The following FARP1 variants were observed in gnomAD, a reference collection of about 807,000 sequenced individuals.
FARP1 encodes the protein FERM, ARH/RhoGEF and pleckstrin domain protein 1.
FARP1 carries 52 observed loss-of-function variants against 128.8 expected under a neutral mutation model. The observed-to-expected ratio is 0.40, with a 90% CI of 0.32 to 0.51. The LOEUF (loss-of-function observed/expected upper bound fraction) is 0.51. Ranked by LOEUF, FARP1 falls within the 20% of genes least tolerant of loss-of-function variation. The probability of loss-of-function intolerance (pLI) is 0.45; values close to 1 mark genes in which losing one functional copy is unlikely to be tolerated. For synonymous variants in FARP1, 580 were observed against 551.8 expected (o/e 1.05, Z -0.72); for missense variants, 1,333 against 1,367.9 (o/e 0.97, Z 0.40).
chr13:98,333,320 G>A (rs563529487), intron 2 of FARP1: 1 of 151,952 alleles, frequency 6.6e-6, no homozygotes, highest in Non-Finnish European at 1.5e-5. Flanking sequence ...AATTACTCAA[G>A]ATCAGGAGAT....
intron 1 of FARP1, among the ~76,000 whole-genome samples, chr13:98,165,645 C>G (rs1173532972): frequency 1.5e-5 from 2 of 134,084 alleles, no homozygotes; most frequent in Admixed American, 8.1e-5. Context: ...TAAAACAAAC[C>G]TGGTAAGACC....
intron 6 of FARP1, 67 bp from the exon 7 acceptor site, chr13:98,384,662 TG>T: frequency 2.1e-6 from 2 of 943,678 alleles, no homozygotes; most frequent in Non-Finnish European, 1.7e-6. Context: ...TTTGGCTCAC[TG>T]GGGAATATTG....
intron 2 of FARP1, among the ~76,000 whole-genome samples, chr13:98,238,902 C>G (rs7325965): frequency 1.3e-5 from 2 of 152,058 alleles, no homozygotes. Context: ...GGTCTGTGCG[C>G]CAACCCCCAC....
chr13:98,315,908 G>A (rs925065245), intron 2 of FARP1, among the ~76,000 whole-genome samples: 6 of 152,082 alleles, frequency 3.9e-5, no homozygotes, highest in East Asian at 3.8e-4. Flanking sequence ...ATTTTTCAGC[G>A]TCTTATTGTC....
rs144535978 is a variant in FARP1 at position 98,440,673 on chromosome 13, C to T, written c.2633C>T (p.Ser878Phe). The change falls in exon 24 of 27, where the codon TCC becomes TTC. Residue 878 changes from serine (S) to phenylalanine (F), a missense_variant. Ser to Phe is a radical substitution (Grantham distance 155). Around this residue, in one of 2 missense-constraint regions of FARP1, gnomAD observed 1,009 missense variants for 969.8 expected, o/e 1.04. Coordinates refer to ENST00000319562, the MANE Select transcript of FARP1 (RefSeq NM_005766.4). Reference protein sequence around the residue: ...FLASSPPDNKSPDEATAADQE... With the variant: ...FLASSPPDNKFPDEATAADQE... ...TGCCTTTTGCCCCATCCTGTAGAGTCCCCTGATGAAGCCACCGCGGCTGAC... is the reference window on the plus strand; with the variant it reads ...TGCCTTTTGCCCCATCCTGTAGAGTTCCCTGATGAAGCCACCGCGGCTGAC... The T allele has an allele frequency of 7.4e-6, 12 of 1,612,048 alleles. No individual in the cohort carries two copies. Among genetic ancestry groups the T allele is most frequent in the Non-Finnish European group, 1.0e-5 (12 of 1,179,318 alleles).
intron 1 of FARP1, among the ~76,000 whole-genome samples, chr13:98,170,379 C>T (rs897296097): frequency 6.6e-6 from 1 of 151,884 alleles, no homozygotes; most frequent in African/African-American, 2.4e-5. Context: ...TTTGTTGAGA[C>T]AGAGTCTTGC....
At chr13:98,272,363 C>T (rs1884430967) in intron 2 of FARP1, among the ~76,000 whole-genome samples, 1 of 152,038 alleles carries the variant, frequency 6.6e-6, no homozygotes, top group Admixed American at 6.6e-5. Context: ...TCAAAATAGC[C>T]CTTTTGCACG....
intron 3 of FARP1, among the ~76,000 whole-genome samples, chr13:98,360,250 C>A (rs1460281871): frequency 6.6e-6 from 1 of 152,086 alleles, no homozygotes; most frequent in Non-Finnish European, 1.5e-5. Context: ...CATGCGCCAC[C>A]ACGGCTGGCT....
intron 24 of FARP1, among the ~76,000 whole-genome samples, chr13:98,443,367 G>A (rs1892608619): frequency 6.6e-6 from 1 of 152,162 alleles, no homozygotes; most frequent in African/African-American, 2.4e-5. Flanking sequence ...TTGCCAGAAA[G>A]CCCCCTCCCA....
chr13:98,272,460 G>C (rs1884436741), intron 2 of FARP1, among the ~76,000 whole-genome samples: 1 of 152,198 alleles, frequency 6.6e-6, no homozygotes, highest in African/African-American at 2.4e-5. Flanking sequence ...ACCCGTTCGT[G>C]AAATGCATAC....
chr13:98,166,042 A>C (rs1187235298), intron 1 of FARP1, among the ~76,000 whole-genome samples: 4 of 152,174 alleles, frequency 2.6e-5, no homozygotes, highest in Non-Finnish European at 4.4e-5. Context: ...ATGCATAGAC[A>C]TTTAGCATGA....
chr13:98,395,232 G>T lies in FARP1; in HGVS notation c.1170G>T (p.Gln390His). Residue 390 changes from glutamine to histidine, a missense_variant, in exon 13 of 27, where the codon CAG becomes CAT. Physicochemically the swap from Gln to His is conservative, Grantham distance 24. Coordinates refer to ENST00000319562, the MANE Select transcript of FARP1 (RefSeq NM_005766.4). ...ELNSEVLEQSQQSTSLTFGEG... is the reference protein window; with the variant it reads ...ELNSEVLEQSHQSTSLTFGEG... ...TTTTTCCCCACCCCACCCAGTCTCA[G>T]CAGAGCACCAGCCTTACATTTGGAG... 1 of 1,594,868 alleles carries T rather than the reference G, an allele frequency of 6.3e-7. No individual in the cohort carries two copies.
chr13:98,439,090 A>C lies in FARP1; in HGVS notation c.2344-17A>C, dbSNP rs1892414480. 6.2e-7 allele frequency: 1 copy of C among 1,607,776 alleles called. No individual in the cohort carries two copies. Among genetic ancestry groups the C allele is most frequent in the African/African-American group, 1.3e-5 (1 of 74,804 alleles). ...TCCAAACGTGGTCTCACCTCCACAC[A>C]CTTCTGATTCCTCCAGTTCAACGAC... is the stretch of plus-strand genomic sequence containing the variant. On this transcript the variant is annotated splice_polypyrimidine_tract_variant and intron_variant, in intron 20 of 26. Coordinates refer to ENST00000319562, the MANE Select transcript of FARP1 (RefSeq NM_005766.4).
At chr13:98,295,110 T>TCC (rs1885627597) in intron 2 of FARP1, among the ~76,000 whole-genome samples, 1 of 116,586 alleles carries the variant, frequency 8.6e-6, no homozygotes, top group East Asian at 2.8e-4. Context: ...CACACATATA[T>TCC]CCCCAGGCAT....
chr13:98,386,072 CAT>C (rs1287195385), intron 8 of FARP1: 1 of 423,210 alleles, frequency 2.4e-6, no homozygotes. Flanking sequence ...ATCACAGAAA[CAT>C]GTAGCTCTCC....
intron 2 of FARP1, among the ~76,000 whole-genome samples, chr13:98,253,658 CGT>C (rs1883454912): frequency 6.6e-6 from 1 of 152,126 alleles, no homozygotes; most frequent in Non-Finnish European, 1.5e-5. Context: ...GGCTTTGCTG[CGT>C]TCATCCAAGG....
chr13:98,390,259 T>A, intron 10 of FARP1, 139 bp downstream of exon 10: 1 of 898,548 alleles, frequency 1.1e-6, no homozygotes, highest in Non-Finnish European at 1.7e-6. Flanking sequence ...GGGGCGCTTG[T>A]ATCTTAATCC....
intron 2 of FARP1, among the ~76,000 whole-genome samples, chr13:98,249,086 A>G (rs1883205586): frequency 6.6e-6 from 1 of 152,172 alleles, no homozygotes; most frequent in Non-Finnish European, 1.5e-5. Context: ...ATGACAGAAG[A>G]TCTCAGAATC....
chr13:98,300,952 T>C (rs979684316), intron 2 of FARP1, among the ~76,000 whole-genome samples: 1 of 152,160 alleles, frequency 6.6e-6, no homozygotes, highest in African/African-American at 2.4e-5. Flanking sequence ...CTCAGGTCTC[T>C]CCAACCCTGG....
Sources: gnomAD v4.1 joint callset for allele counts (sites outside exome capture counted in the v4.1 genomes callset) on GRCh38, gnomAD v4.1.1 for gene constraint, gnomAD v4.1.1 regional missense constraint, MANE v1.5 for transcripts, NCBI Gene and HGNC (gene_info 2026-07-23, HGNC 2026-07-21) for gene names.